Variants in ARHGEF3 observed in about 807,000 individuals in gnomAD.
ARHGEF3 encodes 59.8 kDA protein.
ARHGEF3 carries 28 observed loss-of-function variants against 63.2 expected under a neutral mutation model. The ratio of observed to expected loss-of-function variants is 0.44; its 90% confidence interval spans 0.33 to 0.61. The LOEUF (loss-of-function observed/expected upper bound fraction) is 0.61, where lower values mean the gene tolerates loss of function less well. Ranked by LOEUF, ARHGEF3 falls within the 20% of genes least tolerant of loss-of-function variation. ARHGEF3 has a pLI of 0.03. For synonymous variants in ARHGEF3, 266 were observed against 254.2 expected, an observed-to-expected ratio of 1.05 and a Z score of -0.44; for missense variants, 533 against 659.3, an observed-to-expected ratio of 0.81 and a Z score of 2.10.
At position 56,782,512 on chromosome 3, in the gene ARHGEF3, C is replaced by T. The variant is rs569073777; in HGVS notation, c.97-8696G>A. On this transcript the variant is annotated intron_variant, in intron 1 of 9. Transcript: ENST00000296315. ...AGCCACATTCTTGTGTTTGTTTTCT[C>T]CGGCCGTGAGTTTGGTTGCCAGTTG... 3.3e-5 allele frequency among the ~76,000 whole-genome samples: 5 copies of T among 152,200 alleles called. No individual in the cohort carries two copies. In the East Asian group the frequency reaches 7.7e-4, roughly 23 times the overall value.
chr3:56,993,399 T>G (rs886494188), intron 2 of ARHGEF3, among the ~76,000 whole-genome samples: 10 of 151,990 alleles, frequency 6.6e-5, no homozygotes, highest in African/African-American at 1.9e-4. Context: ...TTCTGAGACA[T>G]GGTCTCACTC....
At chr3:56,807,040 C>T (rs935921623) in intron 4 of ARHGEF3, among the ~76,000 whole-genome samples, 6 of 152,018 alleles carry the variant, frequency 3.9e-5, no homozygotes, top group East Asian at 1.9e-4. Flanking sequence ...CACACCACCA[C>T]GCCCGGCTAA....
chr3:57,033,608 T>A (rs554904324), intron 2 of ARHGEF3, among the ~76,000 whole-genome samples: 1 of 152,004 alleles, frequency 6.6e-6, no homozygotes, highest in African/African-American at 2.4e-5. Context: ...AACAAAGTTA[T>A]GGAAGAAAAT....
chr3:57,048,107 G>A (rs761925649), intron 1 of ARHGEF3, among the ~76,000 whole-genome samples: 2 of 152,016 alleles, frequency 1.3e-5, no homozygotes, highest in Non-Finnish European at 2.9e-5. Flanking sequence ...GAGGATCCAG[G>A]TCTTCCCTCC....
rs551993765 is a variant in ARHGEF3, at chr3:56,764,496, C to T, written c.204+9213G>A. On this transcript the variant is annotated intron_variant, in intron 2 of 9. Transcript: ENST00000296315. ...ACTTTGACTTTTTGTGATAAGCCTA[C>T]GGCAGGAGAGGCACTCTGAACACCC... Among the ~76,000 whole-genome samples, 90 of 152,232 alleles carry T rather than the reference C, an allele frequency of 5.9e-4. 1 individual carries two copies. The highest frequency in any genetic ancestry group is 3.4e-3 in the Middle Eastern group (1 of 294).
Position 56,801,818 on chromosome 3 carries a change from CT to C in ARHGEF3, c.-21del. On this transcript the variant is annotated 5_prime_UTR_variant, in exon 1 of 10. Transcript: ENST00000296315. The stretch of plus-strand genomic sequence containing the variant: ...CACCATGGCGGCTGCCGGGCCTGCC[CT>C]TTGGGATGTCACCGCTGACCCTAGG... 6.4e-7 allele frequency: 1 copy of C among 1,554,480 alleles called. No homozygotes were observed. The highest frequency in any genetic ancestry group is 8.7e-7 in the Non-Finnish European group (1 of 1,148,160).
chr3:56,773,457 G>C (rs1008066502), intron 2 of ARHGEF3, among the ~76,000 whole-genome samples: 11 of 152,160 alleles, frequency 7.2e-5, no homozygotes, highest in Admixed American at 5.9e-4. Context: ...GAGTATGTCT[G>C]GATGGGGCAC....
chr3:56,807,436 T>C (rs1244782571), intron 4 of ARHGEF3, among the ~76,000 whole-genome samples: 1 of 152,182 alleles, frequency 6.6e-6, no homozygotes, highest in South Asian at 2.1e-4. Context: ...CAAGGAACAG[T>C]AGCTGATCCC....
chr3:57,073,935 A>G (rs1342997986), intron 1 of ARHGEF3: 2 of 1,614,152 alleles, frequency 1.2e-6, no homozygotes, highest in Admixed American at 1.7e-5. Context: ...CCAAAGTGAG[A>G]CCTGTCAGAG....
At chr3:56,773,144 A>G (rs1348308600) in intron 2 of ARHGEF3, among the ~76,000 whole-genome samples, 1 of 152,202 alleles carries the variant, frequency 6.6e-6, no homozygotes. Context: ...ATGGACAATA[A>G]ACAGATGGGC....
At chr3:56,836,552 G>A (rs1286416683) in intron 4 of ARHGEF3, among the ~76,000 whole-genome samples, 1 of 152,004 alleles carries the variant, frequency 6.6e-6, no homozygotes, top group Non-Finnish European at 1.5e-5. Context: ...TGCCTACCTG[G>A]ATTTTTTTCT....
At chr3:56,763,600 A>G (rs1261031716) in intron 2 of ARHGEF3, among the ~76,000 whole-genome samples, 2 of 152,232 alleles carry the variant, frequency 1.3e-5, no homozygotes, top group East Asian at 1.9e-4. Context: ...AGAGCCTCAC[A>G]TGCAGAGTTA....
At chr3:56,904,561 C>CA (rs1277487344) in intron 3 of ARHGEF3, among the ~76,000 whole-genome samples, 18 of 151,954 alleles carry the variant, frequency 1.2e-4, no homozygotes. Flanking sequence ...ACTATATTTT[C>CA]AAAAAAACAT....
At chr3:57,056,931 C>T (rs1194702333) in intron 1 of ARHGEF3, among the ~76,000 whole-genome samples, 1 of 151,908 alleles carries the variant, frequency 6.6e-6, no homozygotes, top group African/African-American at 2.4e-5. Flanking sequence ...CCATGCAGGT[C>T]TATACACACA....
intron 2 of ARHGEF3, among the ~76,000 whole-genome samples, chr3:57,000,700 T>G (rs1702161170): frequency 6.6e-6 from 1 of 151,818 alleles, no homozygotes; most frequent in South Asian, 2.1e-4. Flanking sequence ...GCCTGGCAAA[T>G]TTTTGTATTT....
At chr3:56,798,283 A>G (rs566812097) in intron 1 of ARHGEF3, among the ~76,000 whole-genome samples, 1 of 152,390 alleles carries the variant, frequency 6.6e-6, no homozygotes, top group South Asian at 2.1e-4. Flanking sequence ...GCTGAGAGTC[A>G]AAAGCAATGG....
chr3:56,759,273 G>T (rs965047167), intron 2 of ARHGEF3, among the ~76,000 whole-genome samples: 2 of 151,430 alleles, frequency 1.3e-5, no homozygotes, highest in African/African-American at 4.9e-5. Flanking sequence ...TGCCTATTGG[G>T]TTCACACCAT....
At chr3:56,968,285 A>T (rs1305695987) in intron 2 of ARHGEF3, among the ~76,000 whole-genome samples, 3 of 38,360 alleles carry the variant, frequency 7.8e-5, no homozygotes, top group East Asian at 1.1e-3. Context: ...TAAAATATAT[A>T]TAATATATAT....
At chr3:56,818,509 A>G (rs1026703329) in intron 4 of ARHGEF3, among the ~76,000 whole-genome samples, 6 of 152,188 alleles carry the variant, frequency 3.9e-5, no homozygotes, top group Non-Finnish European at 8.8e-5. Context: ...TGCTGATAGA[A>G]CTGAATTCAA....
Sources: allele counts gnomAD v4.1 joint callset (sites outside exome capture counted in the v4.1 genomes callset), GRCh38; gene constraint gnomAD v4.1.1; transcripts MANE v1.5; gene names NCBI Gene and HGNC (gene_info 2026-07-23, HGNC 2026-07-21).